LPAR1: variants seen among roughly 807,000 people sequenced by gnomAD.
The protein encoded by LPAR1 is LPA receptor 1.
A neutral mutation model predicts 23.8 loss-of-function variants in LPAR1; 5 were observed. That is an observed-to-expected ratio of 0.21 (90% confidence interval 0.11 to 0.44). The LOEUF (loss-of-function observed/expected upper bound fraction) is 0.44, where lower values mean the gene tolerates loss of function less well. Among genes scored for constraint, LPAR1 ranks in the 20% least tolerant of loss-of-function variants. The pLI, the probability that LPAR1 is intolerant of heterozygous loss-of-function variation, is 0.99. For synonymous variants in LPAR1, 160 were observed against 164.7 expected (o/e 0.97, Z 0.22); for missense variants, 311 against 482.8 (o/e 0.64, Z 3.33).
chr9:110,981,066 T>C (rs1168131957), intron 2 of LPAR1, among the ~76,000 whole-genome samples: 3 of 152,134 alleles, frequency 2.0e-5, no homozygotes, highest in Non-Finnish European at 4.4e-5. Context: ...AAGAACTCTT[T>C]TATAAGGAAA....
intron 2 of LPAR1, among the ~76,000 whole-genome samples, chr9:111,005,040 T>C (rs541589868): frequency 2.0e-5 from 3 of 150,946 alleles, no homozygotes; most frequent in Non-Finnish European, 2.9e-5. Flanking sequence ...CGTGTGCCTG[T>C]GGTTCCAGGT....
At chr9:110,970,999 G>T (rs1392705497) in intron 4 of LPAR1, among the ~76,000 whole-genome samples, 4 of 152,164 alleles carry the variant, frequency 2.6e-5, no homozygotes, top group Non-Finnish European at 5.9e-5. Context: ...GCTGGGCGTG[G>T]TGGCGGGCGC....
At position 110,968,814 on chromosome 9, in the gene LPAR1, C is replaced by A. The variant is rs1244777678; in HGVS notation, c.45+3259G>T. Among the ~76,000 whole-genome samples the A allele has an allele frequency of 2.0e-5, 3 of 152,152 alleles. No individual in the cohort carries two copies. In the East Asian group the frequency reaches 5.8e-4, roughly 29 times the overall value. The stretch of plus-strand genomic sequence containing the variant: ...GCTAATATGCACTGGGCAATATGTG[C>A]CCAGAATATGTGCCAGGCACTATTC... On this transcript the variant is annotated intron_variant, in intron 4 of 5. Coordinates refer to ENST00000683809, the MANE Select transcript of LPAR1 (RefSeq NM_001351411.2).
intron 5 of LPAR1, among the ~76,000 whole-genome samples, chr9:110,923,673 C>T (rs1460545345): frequency 6.6e-6 from 1 of 152,144 alleles, no homozygotes; most frequent in Non-Finnish European, 1.5e-5. Context: ...CTCACTTAAC[C>T]TTTTGAGGTT....
intron 2 of LPAR1, among the ~76,000 whole-genome samples, chr9:111,035,174 G>C (rs1191782979): frequency 6.6e-6 from 1 of 152,080 alleles, no homozygotes; most frequent in Non-Finnish European, 1.5e-5. Flanking sequence ...TGCTGAAATA[G>C]AATTACCTCC....
chr9:110,972,962 A>G lies in LPAR1; in HGVS notation c.-104+519T>C, dbSNP rs552472551. Among the ~76,000 whole-genome samples, 8 of 152,136 alleles carry G rather than the reference A, an allele frequency of 5.3e-5. 1 individual carries two copies. The South Asian group carries it at 1.7e-3, about 32-fold the overall frequency. On this transcript the variant is annotated intron_variant, in intron 3 of 5. Coordinates refer to ENST00000683809, the MANE Select transcript of LPAR1 (RefSeq NM_001351411.2). ...ACTCCTTCTCAAAAAAAAGAAAAAG[A>G]AAAAGAAAAAGAAACTGTGAATAGT...
At chr9:110,963,102 C>T (rs955341744) in intron 4 of LPAR1, among the ~76,000 whole-genome samples, 3 of 152,096 alleles carry the variant, frequency 2.0e-5, no homozygotes, top group Non-Finnish European at 4.4e-5. Flanking sequence ...AAAGGAGTAG[C>T]TCCATTAACC....
intron 2 of LPAR1, among the ~76,000 whole-genome samples, chr9:111,007,864 G>T (rs890640225): frequency 3.9e-5 from 6 of 152,060 alleles, no homozygotes; most frequent in Non-Finnish European, 8.8e-5. Context: ...GCAACCCTAA[G>T]GTTTCGAGAA....
chr9:110,878,386 C>CTGAAATCA (rs1479687295), intron 5 of LPAR1, among the ~76,000 whole-genome samples: 9 of 152,064 alleles, frequency 5.9e-5, no homozygotes, highest in Non-Finnish European at 1.2e-4. Context: ...GGATGAGGTT[C>CTGAAATCA]CTAACCCACA....
intron 4 of LPAR1, among the ~76,000 whole-genome samples, chr9:110,959,250 A>T (rs139709049): frequency 2.0e-5 from 3 of 151,642 alleles, no homozygotes; most frequent in African/African-American, 2.4e-5. Context: ...CAGAAAAGAG[A>T]AAAAAGAAAG....
intron 5 of LPAR1, among the ~76,000 whole-genome samples, chr9:110,883,502 GGAAAA>G (rs1453541779): frequency 2.6e-5 from 4 of 152,118 alleles, no homozygotes; most frequent in African/African-American, 7.2e-5. Flanking sequence ...TCAAAAGGAA[GGAAAA>G]GAAAAGACAG....
intron 4 of LPAR1, 99 bp from the exon 5 acceptor site, chr9:110,942,267 AAAAC>A: frequency 9.9e-7 from 1 of 1,009,932 alleles, no homozygotes; most frequent in Non-Finnish European, 1.5e-6. Flanking sequence ...ATGCAACAGA[AAAAC>A]AAAAGCAAAT....
chr9:110,997,307 T>C (rs1042671600), intron 2 of LPAR1, among the ~76,000 whole-genome samples: 1 of 152,132 alleles, frequency 6.6e-6, no homozygotes, highest in Non-Finnish European at 1.5e-5. Context: ...ACAAGAGTCA[T>C]GGATTAAAGT....
chr9:110,918,325 A>G (rs2093362067), intron 5 of LPAR1, among the ~76,000 whole-genome samples: 1 of 152,212 alleles, frequency 6.6e-6, no homozygotes, highest in Non-Finnish European at 1.5e-5. Context: ...AGAACCACCC[A>G]ACATGAATGA....
chr9:111,006,931 G>A (rs918900651), intron 2 of LPAR1, among the ~76,000 whole-genome samples: 10 of 151,980 alleles, frequency 6.6e-5, no homozygotes, highest in African/African-American at 2.4e-4. Context: ...TTGGATCATG[G>A]GGACAGATCC....
intron 4 of LPAR1, among the ~76,000 whole-genome samples, chr9:110,959,170 C>CAAAAAAAAAAAAAAAAAAAA (rs1186318362): frequency 9.9e-5 from 8 of 81,146 alleles, no homozygotes; most frequent in African/African-American, 2.6e-4. Context: ...GATGTCTCTA[C>CAAAAAAAAAAAAAAAAAAAA]AAAAAAAAAA....
chr9:111,011,100 T>C (rs1411989974), intron 2 of LPAR1, among the ~76,000 whole-genome samples: 1 of 152,166 alleles, frequency 6.6e-6, no homozygotes, highest in African/African-American at 2.4e-5. Flanking sequence ...CAATCCAAAC[T>C]ATCCTGGCAT....
chr9:110,983,411 A>G (rs1026059574), intron 2 of LPAR1, among the ~76,000 whole-genome samples: 1 of 152,086 alleles, frequency 6.6e-6, no homozygotes, highest in Admixed American at 6.6e-5. Context: ...CAGTCAAAAA[A>G]GGACAAATAC....
chr9:110,876,947 C>T (rs543478152), intron 5 of LPAR1, among the ~76,000 whole-genome samples: 1 of 152,198 alleles, frequency 6.6e-6, no homozygotes, highest in East Asian at 1.9e-4. Context: ...CATGAGCCAA[C>T]AGCGGTGGGC....
Sources: gnomAD v4.1 joint callset for allele counts (sites outside exome capture counted in the v4.1 genomes callset) on GRCh38, gnomAD v4.1.1 for gene constraint, MANE v1.5 for transcripts, NCBI Gene and HGNC (gene_info 2026-07-23, HGNC 2026-07-21) for gene names.